The following HS3ST6 variants were observed in gnomAD, a reference collection of about 807,000 sequenced individuals.
The protein encoded by HS3ST6 is heparan sulfate-glucosamine 3-sulfotransferase 6, also known as heparan sulfate glucosamine 3-O-sulfotransferase 6.
Under a neutral mutation model 11.0 loss-of-function variants are expected in HS3ST6, and 13 were observed. The observed-to-expected ratio is 1.18, with a 90% CI of 0.77 to 1.88. The LOEUF (loss-of-function observed/expected upper bound fraction) is 1.88. HS3ST6 is among the 40% of genes most tolerant of loss of function. The probability of loss-of-function intolerance (pLI) is 0.00; values close to 1 mark genes in which losing one functional copy is unlikely to be tolerated. For synonymous variants in HS3ST6, 232 were observed against 230.6 expected (o/e 1.01, Z -0.06); for missense variants, 541 against 494.4 (o/e 1.09, Z -0.89).
At chr16:1,918,876 C>A (rs1174170122), upstream of HS3ST6, among the ~76,000 whole-genome samples, 1 of 152,212 alleles carries the variant, frequency 6.6e-6, no homozygotes, top group Non-Finnish European at 1.5e-5. The surrounding 1 kb of genome is among the most constrained non-coding windows in gnomAD (Gnocchi z 6.0). Context: ...GGCACTCGGC[C>A]TGCCAAGGGA....
At position 1,911,827 on chromosome 16, in the gene HS3ST6, C is replaced by G; in HGVS notation, c.792G>C (p.Gln264His). The G allele has an allele frequency of 3.7e-6, 6 of 1,613,488 alleles. No homozygotes were observed. The highest frequency in any genetic ancestry group is 5.1e-6 in the Non-Finnish European group (6 of 1,179,626). Residue 264 changes from glutamine (Q) to histidine (H), a missense_variant, in exon 2 of 2, where the codon CAG becomes CAC. By Grantham distance (24) the Gln-to-His change is conservative. Coordinates refer to ENST00000454677, the MANE Select transcript of HS3ST6 (RefSeq NM_001009606.4). ...SDPAGEVGRV[Q>H]DFLGLKRVVT... Reference sequence around the variant, plus strand: ...CGACCCGTTTCAGGCCCAGGAAGTCCTGCACGCGGCCGACCTCTCCGGCCG... The same window carrying G: ...CGACCCGTTTCAGGCCCAGGAAGTCGTGCACGCGGCCGACCTCTCCGGCCG...
At chr16:1,918,753 C>T (rs1348399257), upstream of HS3ST6, among the ~76,000 whole-genome samples, 1 of 151,544 alleles carries the variant, frequency 6.6e-6, no homozygotes, top group Admixed American at 6.6e-5. The surrounding 1 kb of genome is among the most constrained non-coding windows in gnomAD (Gnocchi z 6.0). Context: ...CGATCCCCTT[C>T]CCCCCCCACC....
intron 1 of HS3ST6, among the ~76,000 whole-genome samples, chr16:1,916,460 T>C (rs1202811080): frequency 6.6e-6 from 1 of 151,760 alleles, no homozygotes; most frequent in Non-Finnish European, 1.5e-5. Context: ...ACTCCCAAGT[T>C]GGGCCTGGCC....
At chr16:1,914,716 C>A (rs919986422) in intron 1 of HS3ST6, among the ~76,000 whole-genome samples, 1 of 152,156 alleles carries the variant, frequency 6.6e-6, no homozygotes, top group Admixed American at 6.6e-5. Flanking sequence ...GTTCCCGGAC[C>A]CCCTGCCGTG....
chr16:1,920,264 CAGTCCCCA>C (rs2082955533), upstream of HS3ST6, among the ~76,000 whole-genome samples: 2 of 86,652 alleles, frequency 2.3e-5, no homozygotes, highest in African/African-American at 4.3e-5. Context: ...ACGGTCTCAG[CAGTCCCCA>C]CGGTCTCAGG....
chr16:1,919,296 G>C (rs1035359498), upstream of HS3ST6, among the ~76,000 whole-genome samples: 2 of 152,208 alleles, frequency 1.3e-5, no homozygotes, highest in African/African-American at 2.4e-5. Context: ...CTCCCCCAGG[G>C]GCTGCCTCTG....
chr16:1,918,163 G>A lies in HS3ST6; in HGVS notation c.161C>T (p.Ala54Val). The change falls in exon 1 of 2, where the codon GCC (alanine) becomes GTC (valine). Residue 54 changes from alanine to valine, a missense_variant. Transcript: ENST00000454677. The surrounding 1 kb of genome is among the most constrained non-coding windows in gnomAD (Gnocchi z 6.0). ...GGGGGCCGGCGCGGGGGCGCGGGCG[G>A]CCGGCGGGCAGCGGCCGGGGAGGGC... is the stretch of plus-strand genomic sequence containing the variant. ...LCALPGRCPP[A>V]ARAPAPAPAP... The A allele has an allele frequency of 1.8e-6, 2 of 1,139,668 alleles. No individual in the cohort carries two copies. The highest frequency in any genetic ancestry group is 2.1e-6 in the Non-Finnish European group (2 of 930,804). The allele number at this position is 1,139,668 out of a possible 1,614,324, so 70.6% of individuals were successfully genotyped here.
Position 1,911,755 on chromosome 16 carries a change from G to T in HS3ST6, c.864C>A (p.Cys288Ter). 6.2e-7 allele frequency: 1 copy of T among 1,613,754 alleles called. No individual in the cohort carries two copies. Among genetic ancestry groups the T allele is most frequent in the Non-Finnish European group, 8.5e-7 (1 of 1,179,800 alleles). ...FYFNATKGFP[C>*]LKKAQGGSRP... ...GGCTGCCGCCCTGGGCCTTCTTGAG[G>T]CAGGGGAAGCCCTTGGTGGCGTTGA... The change falls in exon 2 of 2, where the codon TGC becomes TGA. Residue 288 changes from cysteine (C) to a stop codon, truncating the protein, a stop_gained. Coordinates refer to ENST00000454677, the MANE Select transcript of HS3ST6 (RefSeq NM_001009606.4). LOFTEE classifies it high-confidence loss of function.
chr16:1,913,426 C>T (rs1208503389), intron 1 of HS3ST6, among the ~76,000 whole-genome samples: 1 of 152,196 alleles, frequency 6.6e-6, no homozygotes, highest in Non-Finnish European at 1.5e-5. Context: ...TCTGGGTGCC[C>T]AGCCCGGGCA....
chr16:1,915,862 G>A lies in HS3ST6; in HGVS notation c.413+2049C>T, dbSNP rs574595699. Among the ~76,000 whole-genome samples, 33 of 152,264 alleles carry A rather than the reference G, an allele frequency of 2.2e-4. No homozygotes were observed. The East Asian group carries it at 5.2e-3, about 24-fold the overall frequency. On this transcript the variant is annotated intron_variant, in intron 1 of 1. Coordinates refer to ENST00000454677, the MANE Select transcript of HS3ST6 (RefSeq NM_001009606.4). The stretch of plus-strand genomic sequence containing the variant: ...AAAGTCAATCCAGGACCCAACTGCC[G>A]AGGCCACAGGAAGGCCGGGTCACCG...
rs558067556 is a variant in HS3ST6, at chr16:1,912,266, G to A, written c.414-61C>T. 13 of 1,285,148 alleles carry A rather than the reference G, an allele frequency of 1.0e-5. No individual in the cohort carries two copies. In the South Asian group the frequency reaches 3.8e-4, roughly 38 times the overall value. The allele number at this position is 1,285,148 out of a possible 1,614,324, so 79.6% of individuals were successfully genotyped here. A position where few individuals can be genotyped will look rare whatever the true frequency, so the allele number is the denominator to read the frequency against. On this transcript the variant is annotated intron_variant, in intron 1 of 1. Transcript: ENST00000454677. This position sits in a 1 kb window ranked among gnomAD's most constrained non-coding sequence, Gnocchi z 5.6. ...TCCCCAGCCCTAGACCGGCCCCCAG[G>A]GGCCCGGGACCAAGGCCCCCTTATG...
intron 1 of HS3ST6, among the ~76,000 whole-genome samples, chr16:1,913,580 GA>G (rs1339520594): frequency 1.3e-5 from 2 of 152,172 alleles, no homozygotes; most frequent in African/African-American, 4.8e-5. Flanking sequence ...TAGGTCGATA[GA>G]AACACAGGGA....
rs2082898153 is a variant in HS3ST6, at chr16:1,912,509, C to T, written c.414-304G>A. Among the ~76,000 whole-genome samples, 1 of 152,150 alleles carries T rather than the reference C, an allele frequency of 6.6e-6. No individual in the cohort carries two copies. On this transcript the variant is annotated intron_variant, in intron 1 of 1. Coordinates refer to ENST00000454677, the MANE Select transcript of HS3ST6 (RefSeq NM_001009606.4). This position sits in a 1 kb window ranked among gnomAD's most constrained non-coding sequence, Gnocchi z 5.6. ...GTCGGGAGGCCCAAATGCTCCTCACCACCCACATATCTTCCCTGTGCAATC... is the reference window on the plus strand; with the variant it reads ...GTCGGGAGGCCCAAATGCTCCTCACTACCCACATATCTTCCCTGTGCAATC...
intron 1 of HS3ST6, among the ~76,000 whole-genome samples, chr16:1,913,882 G>C (rs963059750): frequency 6.6e-6 from 1 of 152,162 alleles, no homozygotes; most frequent in African/African-American, 2.4e-5. Context: ...GTGAGGCAGC[G>C]GGAGAGAATC....
chr16:1,911,635 G>C lies in HS3ST6; in HGVS notation c.984C>G (p.Asn328Lys), dbSNP rs764540029. The C allele has an allele frequency of 6.2e-7, 1 of 1,609,276 alleles. No homozygotes were observed. The highest frequency in any genetic ancestry group is 2.2e-5 in the East Asian group (1 of 44,702). The change falls in exon 2 of 2, where the codon AAC becomes AAG. Residue 328 changes from asparagine to lysine, a missense_variant. Coordinates refer to ENST00000454677, the MANE Select transcript of HS3ST6 (RefSeq NM_001009606.4). ...GGCCCGTCATCTGGTAGAACCTGCG[G>C]TTGAAGGGCCGGTAGAACTCCTGCA... ...RRLQEFYRPF[N>K]RRFYQMTGQD...
chr16:1,920,228 C>T (rs1330947308), upstream of HS3ST6, among the ~76,000 whole-genome samples: 1 of 97,848 alleles, frequency 1.0e-5, no homozygotes, highest in Admixed American at 1.0e-4. Context: ...ACGGTCTCAG[C>T]CATCCCCACG....
intron 1 of HS3ST6, among the ~76,000 whole-genome samples, chr16:1,915,691 G>A (rs2082920753): frequency 6.6e-6 from 1 of 152,248 alleles, no homozygotes; most frequent in African/African-American, 2.4e-5. Flanking sequence ...ACACCTGGCA[G>A]ACACAGGTGC....
chr16:1,917,659 C>T (rs989876889), intron 1 of HS3ST6, among the ~76,000 whole-genome samples: 27 of 152,212 alleles, frequency 1.8e-4, no homozygotes, highest in African/African-American at 5.8e-4. Flanking sequence ...CTGGGTCCCT[C>T]AGCAGAGAGA....
chr16:1,911,816 C>A lies in HS3ST6; in HGVS notation c.803G>T (p.Gly268Val). 2 of 1,613,786 alleles carry A rather than the reference C, an allele frequency of 1.2e-6. No individual in the cohort carries two copies. The highest frequency in any genetic ancestry group is 1.7e-6 in the Non-Finnish European group (2 of 1,179,792). The change falls in exon 2 of 2, where the codon GGC becomes GTC. Residue 268 changes from glycine (G) to valine (V), a missense_variant. Physicochemically the swap from Gly to Val is moderately radical, Grantham distance 109 (BLOSUM62 -3). Transcript: ENST00000454677. ...CTTGTCCGTGACGACCCGTTTCAGG[C>A]CCAGGAAGTCCTGCACGCGGCCGAC... is the stretch of plus-strand genomic sequence containing the variant. The part of the protein sequence containing the change: ...GEVGRVQDFL[G>V]LKRVVTDKHF...
Sources: gnomAD v4.1 joint callset for allele counts (sites outside exome capture counted in the v4.1 genomes callset) on GRCh38, gnomAD v4.1.1 for gene constraint, Gnocchi (gnomAD v3.1) non-coding constraint, MANE v1.5 for transcripts, NCBI Gene and HGNC (gene_info 2026-07-23, HGNC 2026-07-21) for gene names.